SCRIB: variants seen among roughly 807,000 people sequenced by gnomAD.
The protein encoded by SCRIB is scribble planar cell polarity protein.
A neutral mutation model predicts 170.0 loss-of-function variants in SCRIB; 72 were observed. That is an observed-to-expected ratio of 0.42 (90% CI 0.35 to 0.52). SCRIB has a LOEUF of 0.52. Ranked by LOEUF, SCRIB falls within the 20% of genes least tolerant of loss-of-function variation. SCRIB has a pLI of 0.02. For synonymous variants in SCRIB, 1,298 were observed against 1,044.3 expected (o/e 1.24, Z -4.68); for missense variants, 2,475 against 2,338.5 (o/e 1.06, Z -1.20).
chr8:143,808,079 T>C (rs1815512106), intron 15 of SCRIB, among the ~76,000 whole-genome samples: 1 of 152,140 alleles, frequency 6.6e-6, no homozygotes, highest in Non-Finnish European at 1.5e-5. Context: ...AAAAGAGCCA[T>C]CAGGGCCTCG....
At position 143,810,696 on chromosome 8, in the gene SCRIB, G is replaced by C. The variant is rs147155539; in HGVS notation, c.1394C>G (p.Ala465Gly). ...TCCTCACCCTCATACCCGCTTCTCA[G>C]CTGCAGCTTCCTCAGCGTCCTCATC... The part of the protein sequence containing the change: ...IGDEDAEEAA[A>G]EKRGLQRRAT... The change falls in exon 12 of 37, where the codon GCT becomes GGT. Residue 465 changes from alanine to glycine, a missense_variant. This residue lies in a region of SCRIB where 1,966 missense variants were observed against 1,742.9 expected (regional missense o/e 1.13). Transcript: ENST00000356994. 1 of 1,603,908 alleles carries C rather than the reference G, an allele frequency of 6.2e-7. No individual in the cohort carries two copies. Among genetic ancestry groups the C allele is most frequent in the South Asian group, 1.1e-5 (1 of 90,648 alleles).
At chr8:143,803,307 C>T (rs1815251559) in intron 24 of SCRIB, 76 bp downstream of exon 24, 3 of 1,390,328 alleles carry the variant, frequency 2.2e-6, no homozygotes, top group Non-Finnish European at 2.9e-6. Context: ...GTCGCCTGCC[C>T]CGAGAGGTGT....
At chr8:143,814,374 G>A (rs149611627) in intron 1 of SCRIB, among the ~76,000 whole-genome samples, 1 of 151,658 alleles carries the variant, frequency 6.6e-6, no homozygotes, top group Non-Finnish European at 1.5e-5. Flanking sequence ...CTGGCGACCA[G>A]ACAAAGCCCC....
chr8:143,814,784 G>A (rs1461872258), intron 1 of SCRIB: 10 of 182,578 alleles, frequency 5.5e-5, no homozygotes, highest in East Asian at 2.9e-4. Context: ...GGGGGACAGC[G>A]AACAGATCCG....
In SCRIB at chr8:143,791,711, C is replaced by T; in HGVS notation, c.4725G>A (p.Arg1575=). 1 of 1,603,210 alleles carries T rather than the reference C, an allele frequency of 6.2e-7. No individual in the cohort carries two copies. Among genetic ancestry groups the T allele is most frequent in the South Asian group, 1.1e-5 (1 of 90,916 alleles). The change falls in exon 35 of 37, where the codon AGG becomes AGA. Residue 1575 remains arginine (R), a synonymous_variant. Transcript: ENST00000356994. ...TGGAAGAAGGCAGGGCCGCAAAGGC[C>T]CTGTAGTCAAACTTCTTTCCAGACA... The part of the protein sequence containing the change: ...LPLSGKKFDY[R]AFAALPSSRP...
intron 1 of SCRIB, among the ~76,000 whole-genome samples, chr8:143,814,598 C>T (rs1165220359): frequency 6.6e-6 from 1 of 152,230 alleles, no homozygotes; most frequent in Non-Finnish European, 1.5e-5. Flanking sequence ...GAGGACCGAG[C>T]TGTCACTGCC....
chr8:143,811,391 G>A (rs1815712848), intron 9 of SCRIB, 46 bp from the exon 10 acceptor site: 1 of 1,553,998 alleles, frequency 6.4e-7, no homozygotes, highest in South Asian at 1.1e-5. Flanking sequence ...CTTGCTGGGG[G>A]TGGGAAGGAG....
In SCRIB at chr8:143,812,697, G is replaced by A. The variant is rs1394824697; in HGVS notation, c.787+120C>T. On this transcript the variant is annotated intron_variant, in intron 8 of 36. Coordinates refer to ENST00000356994, the MANE Select transcript of SCRIB (RefSeq NM_182706.5). ...CTCCCCTCCCCAGGGACAGCTCCCA[G>A]AGCCTGGGCACACTCAGGATCCTCC... 5 of 1,355,184 alleles carry A rather than the reference G, an allele frequency of 3.7e-6. No individual in the cohort carries two copies. The East Asian group carries it at 9.5e-5, about 26-fold the overall frequency. 83.9% of individuals were successfully genotyped at this position (1,355,184 alleles called of 1,614,324 possible).
chr8:143,797,653 G>A (rs923716704), intron 24 of SCRIB, among the ~76,000 whole-genome samples: 3 of 152,334 alleles, frequency 2.0e-5, no homozygotes, highest in Non-Finnish European at 2.9e-5. Flanking sequence ...TGATAATCCC[G>A]GCCAAGATGC....
chr8:143,814,028 G>A lies in SCRIB; in HGVS notation c.250C>T (p.Leu84=). Residue 84 remains leucine (L), a synonymous_variant, in exon 2 of 37, where the codon CTG becomes TTG. Transcript: ENST00000356994. ...TTCCGGGACACGTCCAGCTCCACCA[G>A]CTGCATGAAGTTGGCCACCTCGGGA... ...LPPEVANFMQ[L]VELDVSRNDI... 6.4e-7 allele frequency: 1 copy of A among 1,563,952 alleles called. No individual in the cohort carries two copies. The highest frequency in any genetic ancestry group is 1.7e-4 in the Middle Eastern group (1 of 5,996).
At chr8:143,807,061 C>T (rs1815462574) in intron 16 of SCRIB, 48 bp from the exon 17 acceptor site, 5 of 1,371,112 alleles carry the variant, frequency 3.6e-6, no homozygotes, top group Middle Eastern at 1.8e-4. Context: ...AGTGGGGCTG[C>T]CTGTGCTCTC....
At position 143,805,266 on chromosome 8, in the gene SCRIB, C is replaced by T. The variant is rs782311721; in HGVS notation, c.2516G>A (p.Arg839Gln). 3.2e-5 allele frequency: 49 copies of T among 1,538,486 alleles called. No homozygotes were observed. In the Middle Eastern group the frequency reaches 1.5e-3, roughly 48 times the overall value. ...GGGCAGGCGCAGCCCCCCTCCCCGC[C>T]GCTCTCGGGGGCTGTAATCATCCTC... ...RPEDDYSPRE[R>Q]RGGGLRLPLL... Residue 839 changes from arginine to glutamine, a missense_variant, in exon 19 of 37, where the codon CGG (arginine) becomes CAG (glutamine). Around this residue, in one of 3 missense-constraint regions of SCRIB, gnomAD observed 1,966 missense variants for 1,742.9 expected, o/e 1.13. Coordinates refer to ENST00000356994, the MANE Select transcript of SCRIB (RefSeq NM_182706.5).
chr8:143,806,186 T>C (rs1301716755), intron 18 of SCRIB, among the ~76,000 whole-genome samples: 2 of 152,122 alleles, frequency 1.3e-5, no homozygotes, highest in African/African-American at 4.8e-5. Flanking sequence ...ATCAGGGCGC[T>C]GGATGGGAGC....
In SCRIB at chr8:143,804,806, G is replaced by C; in HGVS notation, c.2771C>G (p.Thr924Ser). ...RVLSINGVDV[T>S]EARHDHAVSL... is the part of the protein sequence containing the mutation. ...GACGGCGTGGTCATGCCTGGCCTCA[G>C]TCACGTCCACTCCATTAATCTGTGA... The change falls in exon 21 of 37, where the codon ACT becomes AGT. Residue 924 changes from threonine to serine, a missense_variant. This residue lies in a region of SCRIB where 1,966 missense variants were observed against 1,742.9 expected (regional missense o/e 1.13). Coordinates refer to ENST00000356994, the MANE Select transcript of SCRIB (RefSeq NM_182706.5). The C allele has an allele frequency of 6.3e-7, 1 of 1,593,458 alleles. No individual in the cohort carries two copies. Among genetic ancestry groups the C allele is most frequent in the Non-Finnish European group, 8.5e-7 (1 of 1,174,780 alleles).
In SCRIB at chr8:143,792,222, G is replaced by A. The variant is rs1356481697; in HGVS notation, c.4512C>T (p.Ala1504=). ...GGCGACCCCACACAGGGGCTCACCT[G>A]GCTGCCCTCCACAGCGCACGCTTCT... ...EAEKRALWRA[A]RMKSLEQDAL... is the part of the protein sequence containing the mutation. The change falls in exon 32 of 37, where the codon GCC becomes GCT. Residue 1504 remains alanine (A), a splice_region_variant and synonymous_variant. Transcript: ENST00000356994. 6.4e-7 allele frequency: 1 copy of A among 1,560,980 alleles called. No individual in the cohort carries two copies. Among genetic ancestry groups the A allele is most frequent in the Non-Finnish European group, 8.6e-7 (1 of 1,160,762 alleles).
intron 28 of SCRIB, chr8:143,793,498 G>T: frequency 3.3e-6 from 1 of 298,548 alleles, no homozygotes; most frequent in Non-Finnish European, 6.2e-6. Flanking sequence ...CTGAGCTGGG[G>T]CTGGGTCTCA....
rs1563807887 is a variant in SCRIB at position 143,812,949 on chromosome 8, G to C, written c.655C>G (p.Leu219Val). 3 of 1,612,706 alleles carry C rather than the reference G, an allele frequency of 1.9e-6. No homozygotes were observed. In the South Asian group the frequency reaches 3.3e-5, roughly 18 times the overall value. ...LSALPPELGN[L>V]RRLVCLDVSE... ...ACGTCCAGGCACACCAGGCGCCGCAGGTTCCCGAGCTCCTGCAGGTGGGCA... is the reference window on the plus strand; with the variant it reads ...ACGTCCAGGCACACCAGGCGCCGCACGTTCCCGAGCTCCTGCAGGTGGGCA... The change falls in exon 8 of 37, where the codon CTG (leucine) becomes GTG (valine). Residue 219 changes from leucine to valine, a missense_variant. Leu to Val is a conservative substitution (Grantham distance 32). Around this residue, in one of 3 missense-constraint regions of SCRIB, gnomAD observed 487 missense variants for 558.1 expected, o/e 0.87. Coordinates refer to ENST00000356994, the MANE Select transcript of SCRIB (RefSeq NM_182706.5).
In SCRIB at chr8:143,792,582, C is replaced by T. The variant is rs782693771; in HGVS notation, c.4231G>A (p.Gly1411Arg). Reference sequence around the variant, plus strand: ...TCCAGGGCGAGCCTCGCTTCGGCCCCAGCCTCTGCCGCCTCCCGCAGCATC... The same window carrying T: ...TCCAGGGCGAGCCTCGCTTCGGCCCTAGCCTCTGCCGCCTCCCGCAGCATC... The part of the protein sequence containing the change: ...AQMLREAAEA[G>R]AEARLALDGE... The change falls in exon 31 of 37, where the codon GGG (glycine) becomes AGG (arginine). Residue 1411 changes from glycine to arginine, a missense_variant. Physicochemically the swap from Gly to Arg is moderately radical, Grantham distance 125 (BLOSUM62 -2). Coordinates refer to ENST00000356994, the MANE Select transcript of SCRIB (RefSeq NM_182706.5). 1.2e-5 allele frequency: 19 copies of T among 1,584,306 alleles called. No homozygotes were observed. The highest frequency in any genetic ancestry group is 8.5e-7 in the Non-Finnish European group (1 of 1,172,648).
chr8:143,810,888 C>A lies in SCRIB; in HGVS notation c.1273+18G>T. 6.2e-7 allele frequency: 1 copy of A among 1,610,298 alleles called. No individual in the cohort carries two copies. On this transcript the variant is annotated intron_variant, in intron 11 of 36. Coordinates refer to ENST00000356994, the MANE Select transcript of SCRIB (RefSeq NM_182706.5). ...CTGAGAGCCACCCCGCGCTAAGCAC[C>A]GGTTGCCAACAACCTACCGAGGCTG...
Sources: allele counts gnomAD v4.1 joint callset (sites outside exome capture counted in the v4.1 genomes callset), GRCh38; gene constraint gnomAD v4.1.1; regional missense constraint gnomAD v4.1.1; transcripts MANE v1.5; gene names NCBI Gene and HGNC (gene_info 2026-07-23, HGNC 2026-07-21).